The following TENM2 variants were observed in gnomAD, a reference collection of about 807,000 sequenced individuals.
The protein encoded by TENM2 is teneurin-2.
A neutral mutation model predicts 245.2 loss-of-function variants in TENM2; 52 were observed. That is an observed-to-expected ratio of 0.21 (90% CI 0.17 to 0.27). The LOEUF is 0.27. TENM2 is among the 10% of genes least tolerant of loss of function. TENM2 has a pLI of 1.00. For missense variants in TENM2, 3,046 were observed against 3,666.8 expected (o/e 0.83, Z 4.37); for synonymous variants, 1,363 against 1,438.9 (o/e 0.95, Z 1.19).
At chr5:168,175,335 A>G (rs551229672) in intron 13 of TENM2, among the ~76,000 whole-genome samples, 15 of 152,314 alleles carry the variant, frequency 9.8e-5, no homozygotes, top group African/African-American at 2.9e-4. Flanking sequence ...CAAATAATAC[A>G]TACATTTCAA....
intron 2 of TENM2, among the ~76,000 whole-genome samples, chr5:167,511,373 A>G (rs1355245667): frequency 1.3e-5 from 2 of 152,178 alleles, no homozygotes; most frequent in Non-Finnish European, 2.9e-5. Flanking sequence ...TCTGAAATGG[A>G]GATGCCAGGA....
chr5:167,300,804 G>A (rs188057737), intron 1 of TENM2, among the ~76,000 whole-genome samples: 1 of 152,216 alleles, frequency 6.6e-6, no homozygotes, highest in East Asian at 1.9e-4. Flanking sequence ...CAGCAATGAG[G>A]TGTGGCTGTA....
intron 12 of TENM2, among the ~76,000 whole-genome samples, chr5:168,153,895 G>A (rs1226625619): frequency 6.6e-6 from 1 of 152,080 alleles, no homozygotes; most frequent in Non-Finnish European, 1.5e-5. Flanking sequence ...TGTTCAGCAG[G>A]GGCATGGCAT....
the TENM2 span, among the ~76,000 whole-genome samples, chr5:167,274,516 A>G: frequency 6.6e-6 from 1 of 151,950 alleles, no homozygotes; most frequent in South Asian, 2.1e-4. Flanking sequence ...TCTGTGATCA[A>G]CGCCCAGTAG....
chr5:168,214,789 GAA>G, intron 20 of TENM2: 1 of 583,180 alleles, frequency 1.7e-6, no homozygotes, highest in South Asian at 1.5e-5. Flanking sequence ...CTGGCTAAAT[GAA>G]GCAACAGTTG....
At chr5:167,965,581 T>C (rs1781331117) in intron 4 of TENM2, 1 of 130,622 alleles carries the variant, frequency 7.7e-6, no homozygotes, top group Non-Finnish European at 1.7e-5. Context: ...GATTCCATCT[T>C]AAAAAAAAAG....
intron 1 of TENM2, among the ~76,000 whole-genome samples, chr5:167,312,196 CAAT>C (rs1756074000): frequency 6.6e-6 from 1 of 152,064 alleles, no homozygotes; most frequent in Admixed American, 6.6e-5. Context: ...ATATTAAACA[CAAT>C]AAAACATGTA....
the TENM2 span, among the ~76,000 whole-genome samples, chr5:167,165,869 T>C: frequency 6.6e-6 from 1 of 152,112 alleles, no homozygotes; most frequent in Non-Finnish European, 1.5e-5. Context: ...AGTCTACCAA[T>C]TTGGGAGGAC....
At chr5:167,561,159 A>G (rs187001438) in intron 2 of TENM2, among the ~76,000 whole-genome samples, 3 of 152,346 alleles carry the variant, frequency 2.0e-5, no homozygotes, top group East Asian at 3.9e-4. Flanking sequence ...GAATCCATCT[A>G]CTATGAGGCA....
chr5:167,266,176 G>C, the TENM2 span, among the ~76,000 whole-genome samples: 1 of 152,022 alleles, frequency 6.6e-6, no homozygotes, highest in Non-Finnish European at 1.5e-5. Flanking sequence ...GTGAGATTGC[G>C]AATTGTCACT....
At chr5:167,979,152 C>T (rs950062838) in intron 4 of TENM2, among the ~76,000 whole-genome samples, 10 of 151,788 alleles carry the variant, frequency 6.6e-5, no homozygotes, top group Non-Finnish European at 1.0e-4. Context: ...TCTTGAAGCA[C>T]CAAAGATAAG....
chr5:168,236,979 TA>T (rs1765545833), intron 25 of TENM2, among the ~76,000 whole-genome samples: 1 of 5,866 alleles, frequency 1.7e-4, no homozygotes. Flanking sequence ...TATATATATA[TA>T]TATATATATA....
At chr5:167,365,397 CAAATT>C (rs148261861) in intron 1 of TENM2, among the ~76,000 whole-genome samples, 2,800 of 150,174 alleles carry the variant, frequency 0.019, 108 homozygotes, top group African/African-American at 0.065. Context: ...AAAAAAAACT[CAAATT>C]AAGTAGAAAT....
intron 2 of TENM2, among the ~76,000 whole-genome samples, chr5:167,440,237 G>GT (rs1313227460): frequency 3.3e-5 from 5 of 152,194 alleles, no homozygotes; most frequent in Middle Eastern, 3.4e-3. Flanking sequence ...GAAAATAAAT[G>GT]TTTTTTTGTT....
intron 2 of TENM2, among the ~76,000 whole-genome samples, chr5:167,689,877 C>T (rs1172744372): frequency 6.6e-6 from 1 of 152,154 alleles, no homozygotes; most frequent in Admixed American, 6.5e-5. Flanking sequence ...TCTCCTGCCT[C>T]AGCCTCCTGA....
intron 4 of TENM2, among the ~76,000 whole-genome samples, chr5:167,979,033 T>G (rs1782642153): frequency 6.6e-6 from 1 of 152,180 alleles, no homozygotes; most frequent in South Asian, 2.1e-4. Context: ...TACATGTGAT[T>G]TGATTAATAG....
At chr5:168,232,750 A>G (rs1355814187) in intron 25 of TENM2, among the ~76,000 whole-genome samples, 1 of 152,126 alleles carries the variant, frequency 6.6e-6, no homozygotes. Flanking sequence ...TTCTTCCCAC[A>G]ATCCTCCAGA....
chr5:167,765,341 G>A (rs764984888), intron 2 of TENM2, among the ~76,000 whole-genome samples: 1 of 152,220 alleles, frequency 6.6e-6, no homozygotes. Context: ...GGGGGTTAGA[G>A]TTGTGCCCCA....
At chr5:167,047,929 A>G in the TENM2 span, among the ~76,000 whole-genome samples, 3 of 147,324 alleles carry the variant, frequency 2.0e-5, no homozygotes, top group African/African-American at 7.8e-5. Context: ...ATCACTAGAG[A>G]GAGACAGAAG....
Sources: gnomAD v4.1 joint callset for allele counts (sites outside exome capture counted in the v4.1 genomes callset) on GRCh38, gnomAD v4.1.1 for gene constraint, MANE v1.5 for transcripts, NCBI Gene and HGNC (gene_info 2026-07-23, HGNC 2026-07-21) for gene names.